The following NCOA3 variants were observed in gnomAD, a reference collection of about 807,000 sequenced individuals.
NCOA3 encodes the protein nuclear receptor coactivator 3, also known as CBP-interacting protein.
Under a neutral mutation model 158.8 loss-of-function variants are expected in NCOA3, and 51 were observed. That is an observed-to-expected ratio of 0.32 (90% CI 0.26 to 0.41). The LOEUF (loss-of-function observed/expected upper bound fraction) is 0.41. Among genes scored for constraint, NCOA3 ranks in the 10% least tolerant of loss-of-function variants. NCOA3 has a pLI of 1.00. For synonymous variants in NCOA3, 537 were observed against 592.4 expected (o/e 0.91, Z 1.36); for missense variants, 1,510 against 1,746.6 (o/e 0.86, Z 2.41).
chr20:47,515,816 CT>C (rs2084225557), intron 1 of NCOA3, among the ~76,000 whole-genome samples: 1 of 152,106 alleles, frequency 6.6e-6, no homozygotes, highest in African/African-American at 2.4e-5. Context: ...TAAGTGGTAG[CT>C]TTTCTGTGGT....
At chr20:47,522,954 G>C (rs2084369273) in intron 1 of NCOA3, among the ~76,000 whole-genome samples, 1 of 151,788 alleles carries the variant, frequency 6.6e-6, no homozygotes. Flanking sequence ...ACTTTGGGAG[G>C]CCGAGGTGGG....
intron 2 of NCOA3, among the ~76,000 whole-genome samples, chr20:47,585,343 C>G (rs1294824498): frequency 2.0e-5 from 3 of 152,050 alleles, no homozygotes; most frequent in East Asian, 1.9e-4. Context: ...TACGCCTGGC[C>G]CCTTTTCTTA....
rs759773843 is a variant in NCOA3, at chr20:47,627,220, C to T, written c.532+44C>T. 8.3e-6 allele frequency: 12 copies of T among 1,447,114 alleles called. No individual in the cohort carries two copies. The South Asian group carries it at 9.3e-5, about 11-fold the overall frequency. The allele number at this position is 1,447,114 out of a possible 1,614,324, so 89.6% of individuals were successfully genotyped here. On this transcript the variant is annotated intron_variant, in intron 6 of 22. Transcript: ENST00000371998. ...TTTTCTAAATAGGTTAAATTTTTTT[C>T]CTTGACCATTTCTTAGAAAATTGAA... is the stretch of plus-strand genomic sequence containing the variant.
intron 1 of NCOA3, among the ~76,000 whole-genome samples, chr20:47,537,108 C>T (rs565564041): frequency 3.3e-5 from 5 of 152,220 alleles, no homozygotes; most frequent in South Asian, 4.1e-4. Context: ...CGCGCCCGGC[C>T]TGTTTTGTTT....
intron 1 of NCOA3, among the ~76,000 whole-genome samples, chr20:47,555,583 T>C (rs1188363991): frequency 2.0e-5 from 3 of 152,058 alleles, no homozygotes; most frequent in Non-Finnish European, 4.4e-5. Flanking sequence ...CTGATTCCTT[T>C]GATTTTGGAT....
intron 1 of NCOA3, among the ~76,000 whole-genome samples, chr20:47,535,515 C>CTT (rs1273521715): frequency 2.1e-5 from 3 of 144,218 alleles, no homozygotes; most frequent in African/African-American, 7.6e-5. Flanking sequence ...GGTTTTTTTG[C>CTT]TTTTTTTTTT....
At position 47,628,043 on chromosome 20, in the gene NCOA3, C is replaced by G; in HGVS notation, c.823+20C>G. 8.6e-7 allele frequency: 1 copy of G among 1,167,694 alleles called. No homozygotes were observed. The highest frequency in any genetic ancestry group is 1.2e-6 in the Non-Finnish European group (1 of 839,970). The allele number at this position is 1,167,694 out of a possible 1,614,324, so 72.3% of individuals were successfully genotyped here. On this transcript the variant is annotated intron_variant, in intron 8 of 22. Transcript: ENST00000371998. ...TTTCAGGTAAAAACTCTTTTTTTGTCTCTCTCTCTCTCTGTGTATACGTAC... is the reference window on the plus strand; with the variant it reads ...TTTCAGGTAAAAACTCTTTTTTTGTGTCTCTCTCTCTCTGTGTATACGTAC...
rs2086814319 is a variant in NCOA3, at chr20:47,652,575, G to T, written c.4116G>T (p.Arg1372Ser). 6.2e-7 allele frequency: 1 copy of T among 1,607,318 alleles called. No homozygotes were observed. Among genetic ancestry groups the T allele is most frequent in the African/African-American group, 1.3e-5 (1 of 74,806 alleles). Residue 1372 changes from arginine (R) to serine (S), a missense_variant, in exon 21 of 23, where the codon AGG becomes AGT. Transcript: ENST00000371998. ...MKGWPSGNLARNSSFSQQQFA... is the reference protein window; with the variant it reads ...MKGWPSGNLASNSSFSQQQFA... ...GCTGGCCATCAGGAAATTTGGCCAG[G>T]AACAGGTAAAGAACAGTGACTTATA...
At chr20:47,632,286 G>A (rs1401909565) in intron 8 of NCOA3, among the ~76,000 whole-genome samples, 1 of 152,106 alleles carries the variant, frequency 6.6e-6, no homozygotes, top group East Asian at 1.9e-4. Flanking sequence ...GTGGGGATGA[G>A]GTTTGGAGGT....
intron 16 of NCOA3, among the ~76,000 whole-genome samples, chr20:47,640,488 A>G (rs755994376): frequency 5.9e-5 from 9 of 152,216 alleles, no homozygotes; most frequent in Non-Finnish European, 1.3e-4. Flanking sequence ...TATTGAGAAA[A>G]TTCTTTTAAG....
chr20:47,618,831 A>T (rs1237941174), intron 2 of NCOA3, among the ~76,000 whole-genome samples: 1 of 152,246 alleles, frequency 6.6e-6, no homozygotes, highest in East Asian at 1.9e-4. Context: ...GCACATAAAC[A>T]TTGGCTTAAC....
chr20:47,635,047 G>A (rs928393793), intron 10 of NCOA3, among the ~76,000 whole-genome samples: 19 of 150,906 alleles, frequency 1.3e-4, no homozygotes, highest in Non-Finnish European at 2.4e-4. Flanking sequence ...TCCCACCGCA[G>A]CCTCCTGAAT....
Position 47,642,337 on chromosome 20 carries a change from C to T in NCOA3, c.3205C>T (p.Leu1069=). Residue 1069 remains leucine, a synonymous_variant, in exon 17 of 23, where the codon CTG becomes TTG. Transcript: ENST00000371998. ...TCTCAGCAACACAGATGCCACAGGC[C>T]TGGAAGAAATTGACAGAGCTTTGGG... is the stretch of plus-strand genomic sequence containing the variant. ...TLLSNTDATG[L]EEIDRALGIP... The T allele has an allele frequency of 6.2e-7, 1 of 1,610,896 alleles. No individual in the cohort carries two copies. Among genetic ancestry groups the T allele is most frequent in the Non-Finnish European group, 8.5e-7 (1 of 1,179,222 alleles).
intron 1 of NCOA3, among the ~76,000 whole-genome samples, chr20:47,542,203 AT>A (rs1277841840): frequency 4.1e-3 from 567 of 139,338 alleles, no homozygotes; most frequent in Admixed American, 0.012. Flanking sequence ...CTACATTAAA[AT>A]TTTTTTTTTT....
chr20:47,647,909 G>GT (rs1199919209), intron 18 of NCOA3, among the ~76,000 whole-genome samples: 34 of 128,076 alleles, frequency 2.7e-4, no homozygotes, highest in African/African-American at 5.8e-4. Flanking sequence ...TTGTTTGTTT[G>GT]TTTTGTTTTG....
intron 1 of NCOA3, among the ~76,000 whole-genome samples, chr20:47,574,711 GC>G (rs1357271644): frequency 1.3e-5 from 2 of 152,058 alleles, no homozygotes; most frequent in African/African-American, 4.8e-5. Context: ...TTCTTCAAGG[GC>G]CTGTATCTTC....
rs2086578884 is a variant in NCOA3 at position 47,640,049 on chromosome 20, T to C, written c.3078T>C (p.Asn1026=). 4.3e-6 allele frequency: 7 copies of C among 1,614,128 alleles called. No individual in the cohort carries two copies. The highest frequency in any genetic ancestry group is 5.9e-6 in the Non-Finnish European group (7 of 1,180,024). Residue 1026 remains asparagine (N), a splice_region_variant and synonymous_variant, in exon 16 of 23, where the codon AAT becomes AAC. Transcript: ENST00000371998. ...SMEQVSHGTQ[N]RPLLRNSLDD... ...AACAAGTTTCTCATGGCACTCAAAA[T>C]AGGTGGGGTGTTATTTTGTGACTCT...
intron 1 of NCOA3, among the ~76,000 whole-genome samples, chr20:47,525,655 CG>C (rs1216293299): frequency 2.4e-4 from 9 of 36,872 alleles, no homozygotes; most frequent in South Asian, 8.6e-4. Context: ...GCTGGCCGGA[CG>C]GGGGGGCTGA....
intron 2 of NCOA3, among the ~76,000 whole-genome samples, chr20:47,608,659 AAG>A (rs1380676423): frequency 1.3e-5 from 2 of 150,480 alleles, no homozygotes; most frequent in South Asian, 2.1e-4. Context: ...AAAAAAAAAA[AAG>A]GTGAATGTTT....
Sources: allele counts gnomAD v4.1 joint callset (sites outside exome capture counted in the v4.1 genomes callset), GRCh38; gene constraint gnomAD v4.1.1; transcripts MANE v1.5; gene names NCBI Gene and HGNC (gene_info 2026-07-23, HGNC 2026-07-21).